MICAL1: variants seen among roughly 807,000 people sequenced by gnomAD.
The protein encoded by MICAL1 is [F-actin]-monooxygenase MICAL1.
In MICAL1, 95 loss-of-function variants were observed where a neutral mutation model predicts 131.8. That is an observed-to-expected ratio of 0.72 (90% CI 0.61 to 0.86). MICAL1 has a LOEUF of 0.86. Ranked by LOEUF, MICAL1 falls within the 40% of genes least tolerant of loss-of-function variation. MICAL1 has a pLI of 0.00. For synonymous variants in MICAL1, 546 were observed against 554.2 expected, an observed-to-expected ratio of 0.99 and a Z score of 0.21; for missense variants, 1,292 against 1,380.6, an observed-to-expected ratio of 0.94 and a Z score of 1.02.
At chr6:109,451,817 G>A (rs1562292169) in intron 6 of MICAL1, 117 bp from the exon 7 acceptor site, 4 of 1,500,006 alleles carry the variant, frequency 2.7e-6, no homozygotes, top group Admixed American at 2.1e-5. Flanking sequence ...TGCGGTGAGT[G>A]CTCCACGCAT....
intron 1 of MICAL1, chr6:109,462,921 A>T (rs1015490051): frequency 6.6e-6 from 1 of 152,254 alleles, no homozygotes; most frequent in South Asian, 2.1e-4. Context: ...TGCACTAGCA[A>T]CATCATTTCT....
At chr6:109,465,288 T>C (rs1266963187) in intron 1 of MICAL1, 1 of 245,512 alleles carries the variant, frequency 4.1e-6, no homozygotes, top group Admixed American at 5.0e-5. Flanking sequence ...CTGTACTGCA[T>C]AAAGATAAAA....
upstream of MICAL1, among the ~76,000 whole-genome samples, chr6:109,458,452 A>G (rs9487112): frequency 0.018 from 2,748 of 152,136 alleles, 93 homozygotes; most frequent in African/African-American, 0.063. Context: ...AAAATTAGCC[A>G]GGCATGGTGG....
intron 17 of MICAL1, 63 bp from the exon 18 acceptor site, chr6:109,446,835 C>T: frequency 6.7e-7 from 1 of 1,483,486 alleles, no homozygotes; most frequent in Non-Finnish European, 9.3e-7. Flanking sequence ...AGACACGCAA[C>T]AGTTTATGAA....
chr6:109,445,232 C>T lies in MICAL1; in HGVS notation c.2846G>A (p.Gly949Asp), dbSNP rs1321445515. 6.2e-7 allele frequency: 1 copy of T among 1,613,966 alleles called. No individual in the cohort carries two copies. Among genetic ancestry groups the T allele is most frequent in the Admixed American group, 1.7e-5 (1 of 60,036 alleles). Residue 949 changes from glycine to aspartate, a missense_variant, in exon 22 of 25, where the codon GGC (glycine) becomes GAC (aspartate). Transcript: ENST00000358807. Reference sequence around the variant, plus strand: ...CCTCAAGGCCAGCTCCAGCTTCACGCCCTCGGCCTCTAGCTCCCTCAAGGC... The same window carrying T: ...CCTCAAGGCCAGCTCCAGCTTCACGTCCTCGGCCTCTAGCTCCCTCAAGGC... ...EAALRELEAEGVKLELALRRQ... is the reference protein window; with the variant it reads ...EAALRELEAEDVKLELALRRQ...
At chr6:109,447,035 G>A in intron 17 of MICAL1, 38 bp downstream of exon 17, 1 of 1,604,586 alleles carries the variant, frequency 6.2e-7, no homozygotes, top group Non-Finnish European at 8.5e-7. Flanking sequence ...GCAGGGCCAG[G>A]CCCAGAGTCT....
chr6:109,458,123 G>GAAA (rs34496161), upstream of MICAL1, among the ~76,000 whole-genome samples: 6 of 137,334 alleles, frequency 4.4e-5, no homozygotes, highest in Non-Finnish European at 4.7e-5. Context: ...TTTCTTCCAA[G>GAAA]AAAAAAAAAA....
At position 109,452,591 on chromosome 6, in the gene MICAL1, T is replaced by C. The variant is rs776928366; in HGVS notation, c.596A>G (p.Gln199Arg). 1.9e-6 allele frequency: 3 copies of C among 1,612,304 alleles called. No homozygotes were observed. The highest frequency in any genetic ancestry group is 4.5e-5 in the East Asian group (2 of 44,804). ...GGCCAGCTGGGCAGGGGGGTTGGGT[T>C]GGAGCTGGGCACGCCAGCCACTCCC... ...RKGSGWRAQLQPNPPAQLANY... is the reference protein window; with the variant it reads ...RKGSGWRAQLRPNPPAQLANY... Residue 199 changes from glutamine (Q) to arginine (R), a missense_variant, in exon 5 of 25, where the codon CAA becomes CGA. By Grantham distance (43) the Gln-to-Arg change is conservative (BLOSUM62 1). Transcript: ENST00000358807.
chr6:109,457,206 A>G (rs1775774402), upstream of MICAL1, among the ~76,000 whole-genome samples: 2 of 152,128 alleles, frequency 1.3e-5, no homozygotes, highest in Non-Finnish European at 2.9e-5. Flanking sequence ...CTGCCAGGAG[A>G]GGCGAGGGAA....
intron 1 of MICAL1, chr6:109,465,509 TGGCAAGAC>T (rs1776011426): frequency 1.2e-6 from 1 of 810,712 alleles, no homozygotes; most frequent in South Asian, 1.9e-5. Context: ...CTGGGGAGGT[TGGCAAGAC>T]CATAACCTAT....
At position 109,447,134 on chromosome 6, in the gene MICAL1, G is replaced by A. The variant is rs914568053; in HGVS notation, c.2166C>T (p.Phe722=). ...GTGTGGCCTCACAGGTATGGCAGCG[G>A]AAGCAGCTCCGGTGGAAGAAATGGC... ...VNGHFFHRSC[F]RCHTCEATLW... Residue 722 remains phenylalanine, a synonymous_variant, in exon 17 of 25, where the codon TTC becomes TTT. Transcript: ENST00000358807. 2.5e-6 allele frequency: 4 copies of A among 1,614,092 alleles called. No homozygotes were observed. Among genetic ancestry groups the A allele is most frequent in the African/African-American group, 2.7e-5 (2 of 74,928 alleles).
At position 109,450,071 on chromosome 6, in the gene MICAL1, C is replaced by A. The variant is rs1405414045; in HGVS notation, c.1206G>T (p.Leu402=). ...GGAAGCCCCGTGCCACTCCAGTGCC[C>A]AGGGGCCAGAAGGGCTGCAGTGTCA... The part of the protein sequence containing the change: ...GDCLVEPFWP[L]GTGVARGFLA... Residue 402 remains leucine, a synonymous_variant, in exon 9 of 25, where the codon CTG becomes CTT. Coordinates refer to ENST00000358807, the MANE Select transcript of MICAL1 (RefSeq NM_022765.4). 1.2e-6 allele frequency: 2 copies of A among 1,613,786 alleles called. No individual in the cohort carries two copies. The highest frequency in any genetic ancestry group is 1.7e-6 in the Non-Finnish European group (2 of 1,179,900).
chr6:109,447,030 G>A, intron 17 of MICAL1, 43 bp downstream of exon 17: 2 of 1,601,802 alleles, frequency 1.2e-6, no homozygotes, highest in South Asian at 2.2e-5. Flanking sequence ...CCCAAGCAGG[G>A]CCAGGCCCAG....
At chr6:109,459,191 G>C (rs1775831687), upstream of MICAL1, among the ~76,000 whole-genome samples, 1 of 152,216 alleles carries the variant, frequency 6.6e-6, no homozygotes, top group Non-Finnish European at 1.5e-5. Context: ...ATTTTAAGCA[G>C]AGCAGAGACA....
chr6:109,464,701 G>A (rs977915034), intron 1 of MICAL1: 1 of 152,210 alleles, frequency 6.6e-6, no homozygotes, highest in African/African-American at 2.4e-5. Context: ...AGCTACTAGG[G>A]AGGCTAAGGT....
Position 109,446,187 on chromosome 6 carries a change from C to G in MICAL1, c.2530G>C (p.Ala844Pro). The change falls in exon 19 of 25, where the codon GCC becomes CCC. Residue 844 changes from alanine to proline, a missense_variant. By Grantham distance (27) the Ala-to-Pro change is conservative. Coordinates refer to ENST00000358807, the MANE Select transcript of MICAL1 (RefSeq NM_022765.4). ...CAGCCCACAAAGCTGCTCTCCAGGG[C>G]GTGGCGGGCCAAGGCGGAGCAGCTG... The part of the protein sequence containing the change: ...PRSCSALARH[A>P]LESSFVGWGL... The G allele has an allele frequency of 6.3e-7, 1 of 1,585,956 alleles. No homozygotes were observed. The highest frequency in any genetic ancestry group is 1.1e-5 in the South Asian group (1 of 87,612).
intron 15 of MICAL1, 21 bp from the exon 16 acceptor site, chr6:109,447,461 G>C (rs1229740518): frequency 1.2e-6 from 2 of 1,605,052 alleles, no homozygotes; most frequent in Admixed American, 1.7e-5. Flanking sequence ...AAGTGCTCAG[G>C]CAGGGAGGGT....
At position 109,452,488 on chromosome 6, in the gene MICAL1, CTTT is replaced by C; in HGVS notation, c.676+20_676+22del. On this transcript the variant is annotated intron_variant, in intron 5 of 24. Transcript: ENST00000358807. Reference sequence around the variant, plus strand: ...CAGGATGTGCCAGAGATGCTGGCTTCTTTGAGGGAAGTGATCACTCACCTTCAG... The same window carrying C: ...CAGGATGTGCCAGAGATGCTGGCTTCGAGGGAAGTGATCACTCACCTTCAG... 6.2e-7 allele frequency: 1 copy of C among 1,612,862 alleles called. No individual in the cohort carries two copies. The highest frequency in any genetic ancestry group is 2.2e-5 in the East Asian group (1 of 44,826).
chr6:109,454,056 C>T lies in MICAL1; in HGVS notation c.141G>A (p.Gln47=). ...TGAGCTGGTCCTTGATCTTGTGGTA[C>T]TGGGGCAGCCCCCCACCGGGTTCCA... The part of the protein sequence containing the change: ...LGLEPGGGLP[Q]YHKIKDQLNY... Residue 47 remains glutamine (Q), a synonymous_variant, in exon 2 of 25, where the codon CAG becomes CAA. Transcript: ENST00000358807. 1 of 1,614,128 alleles carries T rather than the reference C, an allele frequency of 6.2e-7. No homozygotes were observed. The highest frequency in any genetic ancestry group is 8.5e-7 in the Non-Finnish European group (1 of 1,180,022).
Sources: gnomAD v4.1 joint callset for allele counts (sites outside exome capture counted in the v4.1 genomes callset) on GRCh38, gnomAD v4.1.1 for gene constraint, MANE v1.5 for transcripts, NCBI Gene and HGNC (gene_info 2026-07-23, HGNC 2026-07-21) for gene names.